HDAC5: variants seen among roughly 807,000 people sequenced by gnomAD.
The protein encoded by HDAC5 is histone deacetylase 5.
A neutral mutation model predicts 133.3 loss-of-function variants in HDAC5; 25 were observed. The ratio of observed to expected loss-of-function variants is 0.19; its 90% CI spans 0.14 to 0.26. The LOEUF is 0.26. HDAC5 is among the 10% of genes least tolerant of loss of function. The pLI, the probability that HDAC5 is intolerant of heterozygous loss-of-function variation, is 1.00. For synonymous variants in HDAC5, 589 were observed against 610.8 expected (o/e 0.96, Z 0.53); for missense variants, 1,041 against 1,460.5 (o/e 0.71, Z 4.68).
At chr17:44,094,898 C>G (rs765667242) in intron 3 of HDAC5, among the ~76,000 whole-genome samples, 4 of 152,030 alleles carry the variant, frequency 2.6e-5, no homozygotes, top group Non-Finnish European at 5.9e-5. Context: ...CGACCTCAAG[C>G]AACCCTCCCA....
chr17:44,098,925 T>A (rs995116223), intron 3 of HDAC5, among the ~76,000 whole-genome samples: 1 of 151,838 alleles, frequency 6.6e-6, no homozygotes, highest in African/African-American at 2.4e-5. Flanking sequence ...AAGACCAGCC[T>A]GGCCAACATG....
intron 3 of HDAC5, among the ~76,000 whole-genome samples, chr17:44,096,672 C>T (rs928625382): frequency 6.6e-6 from 1 of 151,950 alleles, no homozygotes; most frequent in African/African-American, 2.4e-5. Context: ...CACAAGGTTT[C>T]ACCATGTTGG....
At chr17:44,101,560 C>T (rs2051610896) in intron 3 of HDAC5, among the ~76,000 whole-genome samples, 1 of 152,026 alleles carries the variant, frequency 6.6e-6, no homozygotes. Flanking sequence ...AAATGAGGTC[C>T]GTGCAGATAC....
chr17:44,096,214 A>G (rs539752102), intron 3 of HDAC5, among the ~76,000 whole-genome samples: 1 of 152,174 alleles, frequency 6.6e-6, no homozygotes, highest in African/African-American at 2.4e-5. Context: ...AGGCCAACCC[A>G]TTCCTGTTTC....
chr17:44,077,003 AC>A lies in HDAC5; in HGVS notation c.*1372del, dbSNP rs1436094684. On this transcript the variant is annotated 3_prime_UTR_variant, in exon 27 of 27. Coordinates refer to ENST00000682912, the MANE Select transcript of HDAC5 (RefSeq NM_005474.5). ...AAACAAACACACAAGCACACTATGA[AC>A]CGATGGTGCTGGGACTCCTGCCCCT... 2 of 153,228 alleles carry A rather than the reference AC, an allele frequency of 1.3e-5. No homozygotes were observed. Among genetic ancestry groups the A allele is most frequent in the East Asian group, 3.9e-4 (2 of 5,190 alleles). The allele number at this position is 153,228 out of a possible 1,614,324, so 9.5% of individuals were successfully genotyped here.
Position 44,085,134 on chromosome 17 carries a change from A to G in HDAC5, c.2072T>C (p.Met691Thr). ...FTTGVVYDTF[M>T]LKHQCMCGNT... ...CCCGCACATGCACTGGTGCTTTAGC[A>G]TGAACGTGTCGTAGACCACACCTGG... The change falls in exon 15 of 27, where the codon ATG becomes ACG. Residue 691 changes from methionine (M) to threonine (T), a missense_variant. Met to Thr is a moderately conservative substitution (Grantham distance 81, BLOSUM62 -1). Coordinates refer to ENST00000682912, the MANE Select transcript of HDAC5 (RefSeq NM_005474.5). 1 of 1,600,402 alleles carries G rather than the reference A, an allele frequency of 6.2e-7. No homozygotes were observed. The highest frequency in any genetic ancestry group is 8.6e-7 in the Non-Finnish European group (1 of 1,168,674).
At chr17:44,111,201 GGGCCC>G in intron 2 of HDAC5, 1 of 313,762 alleles carries the variant, frequency 3.2e-6, no homozygotes, top group East Asian at 7.7e-5. Context: ...TGACAGCTCT[GGGCCC>G]GGCTCCCTGC....
chr17:44,080,606 C>T (rs1192933890), intron 21 of HDAC5, 108 bp from the exon 22 acceptor site: 1 of 1,464,686 alleles, frequency 6.8e-7, no homozygotes, highest in Non-Finnish European at 9.5e-7. Flanking sequence ...CTCTGCTCTG[C>T]CTGGAGGGGC....
intron 3 of HDAC5, among the ~76,000 whole-genome samples, chr17:44,104,884 TC>T (rs1401295281): frequency 2.0e-5 from 3 of 152,086 alleles, no homozygotes; most frequent in Non-Finnish European, 4.4e-5. Context: ...AAGCCCCTCT[TC>T]CCACAAAGCA....
intron 3 of HDAC5, among the ~76,000 whole-genome samples, chr17:44,098,124 C>T (rs767624942): frequency 2.6e-5 from 4 of 152,230 alleles, no homozygotes; most frequent in African/African-American, 4.8e-5. Context: ...TGGAAGGGGC[C>T]ATGGCTACTC....
intron 11 of HDAC5, 146 bp downstream of exon 11, chr17:44,091,124 T>C (rs1472581646): frequency 1.1e-5 from 8 of 711,868 alleles, no homozygotes; most frequent in Non-Finnish European, 2.0e-5. Flanking sequence ...CCTGGCATCC[T>C]GTAGGTATCC....
At chr17:44,101,622 T>C (rs2051615088) in intron 3 of HDAC5, among the ~76,000 whole-genome samples, 1 of 152,046 alleles carries the variant, frequency 6.6e-6, no homozygotes, top group South Asian at 2.1e-4. Flanking sequence ...AAAGGGACCT[T>C]GGAGGTCATC....
In HDAC5 at chr17:44,092,801, G is replaced by T; in HGVS notation, c.647C>A (p.Ala216Asp). The stretch of plus-strand genomic sequence containing the variant: ...ACTCTGGTCCAAAGAAGCATGGTGG[G>T]CTCCCCTGGGGTGGGGGGGGGGTGG... ...SLPQHPKCWG[A>D]HHASLDQSSP... The change falls in exon 7 of 27, where the codon GCC (alanine) becomes GAC (aspartate). Residue 216 changes from alanine to aspartate, a missense_variant. By Grantham distance (126) the Ala-to-Asp change is moderately radical. Transcript: ENST00000682912. 9.2e-7 allele frequency: 1 copy of T among 1,091,450 alleles called. No homozygotes were observed. Among genetic ancestry groups the T allele is most frequent in the Non-Finnish European group, 1.2e-6 (1 of 808,586 alleles). 67.6% of individuals were successfully genotyped at this position (1,091,450 alleles called of 1,614,324 possible). A position where few individuals can be genotyped will look rare whatever the true frequency, so the allele number is the denominator to read the frequency against.
At position 44,093,505 on chromosome 17, in the gene HDAC5, G is replaced by A; in HGVS notation, c.355-20C>T. On this transcript the variant is annotated intron_variant, in intron 4 of 26. Coordinates refer to ENST00000682912, the MANE Select transcript of HDAC5 (RefSeq NM_005474.5). ...CTGCTGCTGCAGGGGCATGGGAACG[G>A]AGGCACAAGTGAGCCAGGCCCGGGC... is the stretch of plus-strand genomic sequence containing the variant. 1 of 1,602,400 alleles carries A rather than the reference G, an allele frequency of 6.2e-7. No homozygotes were observed. The highest frequency in any genetic ancestry group is 8.5e-7 in the Non-Finnish European group (1 of 1,173,516).
chr17:44,112,938 T>C (rs1289239519), intron 2 of HDAC5, among the ~76,000 whole-genome samples: 19 of 152,134 alleles, frequency 1.2e-4, no homozygotes, highest in Non-Finnish European at 8.8e-5. Flanking sequence ...GGGGATCTTG[T>C]TCACCACCCC....
chr17:44,090,924 C>G (rs1459386099), intron 11 of HDAC5, among the ~76,000 whole-genome samples: 1 of 152,026 alleles, frequency 6.6e-6, no homozygotes, highest in African/African-American at 2.4e-5. Context: ...CTCCTGACCT[C>G]GTGATCCACC....
intron 1 of HDAC5, among the ~76,000 whole-genome samples, chr17:44,120,863 T>G (rs1246023001): frequency 6.6e-6 from 1 of 151,866 alleles, no homozygotes; most frequent in Non-Finnish European, 1.5e-5. Flanking sequence ...TCTGAGAGCT[T>G]CTGTTGCCTA....
intron 12 of HDAC5, 23 bp downstream of exon 12, chr17:44,088,364 G>C (rs2050770653): frequency 6.5e-7 from 1 of 1,544,894 alleles, no homozygotes; most frequent in Non-Finnish European, 8.7e-7. Context: ...ACAGCCCCAG[G>C]CCATTCACCT....
At chr17:44,092,828 G>GGGGGGGGGGGGGT in intron 6 of HDAC5, 22 bp from the exon 7 acceptor site, 1 of 596,642 alleles carries the variant, frequency 1.7e-6, no homozygotes, top group Non-Finnish European at 2.9e-6. Context: ...GGGGGGTGGG[G>GGGGGGGGGGGGGT]ATGGAAGCAG....
Sources: gnomAD v4.1 joint callset for allele counts (sites outside exome capture counted in the v4.1 genomes callset) on GRCh38, gnomAD v4.1.1 for gene constraint, MANE v1.5 for transcripts, NCBI Gene and HGNC (gene_info 2026-07-23, HGNC 2026-07-21) for gene names.